Variants in PKHD1L1 observed in about 807,000 individuals in gnomAD.
PKHD1L1 encodes fibrocystin-L.
A neutral mutation model predicts 462.9 loss-of-function variants in PKHD1L1; 434 were observed. That is an observed-to-expected ratio of 0.94 (90% CI 0.87 to 1.02). PKHD1L1 has a LOEUF of 1.02. Ranked by LOEUF, PKHD1L1 falls within the 50% of genes least tolerant of loss-of-function variation. The probability of loss-of-function intolerance (pLI) is 0.00; values close to 1 mark genes in which losing one functional copy is unlikely to be tolerated. For missense variants in PKHD1L1, 5,202 were observed against 5,096.1 expected, an observed-to-expected ratio of 1.02 and a Z score of -0.63; for synonymous variants, 1,781 against 1,750.0, an observed-to-expected ratio of 1.02 and a Z score of -0.44.
intron 2 of PKHD1L1, among the ~76,000 whole-genome samples, chr8:109,373,310 C>T (rs574846914): frequency 1.3e-5 from 2 of 152,270 alleles, no homozygotes; most frequent in East Asian, 3.9e-4. Flanking sequence ...TTATAGTATT[C>T]TCTGATGGTA....
Position 109,419,119 on chromosome 8 carries a change from C to T in PKHD1L1, c.2383C>T (p.Leu795Phe). The T allele has an allele frequency of 6.2e-7, 1 of 1,613,226 alleles. No homozygotes were observed. Among genetic ancestry groups the T allele is most frequent in the East Asian group, 2.2e-5 (1 of 44,830 alleles). Residue 795 changes from leucine to phenylalanine, a missense_variant, in exon 22 of 78, where the codon CTT becomes TTT. Physicochemically the swap from Leu to Phe is conservative, Grantham distance 22. Around this residue, in one of 3 missense-constraint regions of PKHD1L1, gnomAD observed 4,497 missense variants for 4,336.8 expected, o/e 1.04. Transcript: ENST00000378402. The stretch of plus-strand genomic sequence containing the variant: ...CAGCTGGACTTACACTTGCATAGAC[C>T]TTCTGGATCTCGTAAGAACGAAATA... ...GNNWTYTCID[L>F]LDLVRTKYTG...
At chr8:109,425,286 C>A (rs2130666424) in intron 24 of PKHD1L1, 54 bp downstream of exon 24, 1 of 1,336,178 alleles carries the variant, frequency 7.5e-7, no homozygotes, top group Non-Finnish European at 9.8e-7. Context: ...TATGTATAAC[C>A]TTATAAAGTG....
intron 15 of PKHD1L1, 103 bp downstream of exon 15, chr8:109,404,816 G>A: frequency 8.1e-7 from 1 of 1,240,740 alleles, no homozygotes; most frequent in Non-Finnish European, 1.1e-6. Flanking sequence ...TTAGGTGAAA[G>A]CAGTCATGGA....
intron 30 of PKHD1L1, among the ~76,000 whole-genome samples, chr8:109,436,887 T>A (rs1815447380): frequency 6.6e-6 from 1 of 152,158 alleles, no homozygotes; most frequent in African/African-American, 2.4e-5. Flanking sequence ...TTCAGGAAAG[T>A]AAATCTAGAA....
At chr8:109,395,075 A>T (rs537486223) in intron 10 of PKHD1L1, among the ~76,000 whole-genome samples, 1 of 152,170 alleles carries the variant, frequency 6.6e-6, no homozygotes, top group Non-Finnish European at 1.5e-5. Flanking sequence ...GGGAGAGAGT[A>T]TTTACCGCAT....
At chr8:109,448,517 G>GT (rs375857031) in intron 39 of PKHD1L1, 126 bp downstream of exon 39, 105,039 of 882,590 alleles carry the variant, frequency 0.12, 41 homozygotes, top group East Asian at 0.24. Flanking sequence ...TGTTTGTTTG[G>GT]TTTTTTTTTT....
At chr8:109,454,386 A>G in intron 44 of PKHD1L1, 140 bp downstream of exon 44, 1 of 674,004 alleles carries the variant, frequency 1.5e-6, no homozygotes. Context: ...TTGGTATAAA[A>G]TCCTTTATGC....
intron 2 of PKHD1L1, among the ~76,000 whole-genome samples, chr8:109,369,694 T>C (rs951822891): frequency 1.3e-5 from 2 of 152,108 alleles, no homozygotes; most frequent in African/African-American, 4.8e-5. Flanking sequence ...CATTCTTTAG[T>C]TGGTTGCCAG....
In PKHD1L1 at chr8:109,507,968, C is replaced by T. The variant is rs115241381; in HGVS notation, c.11227+73C>T. ...ACAAAATATGTTTTATTTTTAATGA[C>T]TTGCCTACTCAACCAATAACTTTTA... is the stretch of plus-strand genomic sequence containing the variant. On this transcript the variant is annotated intron_variant, in intron 69 of 77. Transcript: ENST00000378402. 1,726 of 1,533,938 alleles carry T rather than the reference C, an allele frequency of 1.1e-3. 16 individuals are homozygous for T. The African/African-American group carries it at 0.021, about 19-fold the overall frequency.
chr8:109,453,353 C>T (rs1434301480), intron 43 of PKHD1L1, among the ~76,000 whole-genome samples: 1 of 152,184 alleles, frequency 6.6e-6, no homozygotes, highest in East Asian at 1.9e-4. Context: ...GTGATTTTCA[C>T]CTTTGCCTGT....
chr8:109,504,173 C>T (rs1417606696), intron 67 of PKHD1L1, among the ~76,000 whole-genome samples, 154 bp from the exon 68 acceptor site: 1 of 152,134 alleles, frequency 6.6e-6, no homozygotes, highest in East Asian at 1.9e-4. Flanking sequence ...AGGCAACAGG[C>T]TACAACAAAT....
chr8:109,475,364 G>A, intron 51 of PKHD1L1, 95 bp downstream of exon 51: 1 of 1,024,644 alleles, frequency 9.8e-7, no homozygotes, highest in Non-Finnish European at 1.3e-6. Context: ...AGGCCAGAGG[G>A]ACTTTCATCA....
At chr8:109,451,201 T>G in intron 41 of PKHD1L1, 52 bp downstream of exon 41, 1 of 1,508,480 alleles carries the variant, frequency 6.6e-7, no homozygotes, top group Non-Finnish European at 9.0e-7. Flanking sequence ...ACTTGAGCCA[T>G]TACTCCTGCT....
intron 50 of PKHD1L1, chr8:109,470,622 C>T (rs1563581175): frequency 2.6e-6 from 4 of 1,562,272 alleles, no homozygotes; most frequent in Non-Finnish European, 3.5e-6. Flanking sequence ...ACTTGAATAG[C>T]TCAGTGTCCC....
At chr8:109,427,254 T>C in intron 25 of PKHD1L1, 98 bp downstream of exon 25, 2 of 956,262 alleles carry the variant, frequency 2.1e-6, no homozygotes, top group Non-Finnish European at 3.1e-6. Context: ...ATGTTTATTA[T>C]AAAAATTCAA....
chr8:109,441,378 A>T lies in PKHD1L1; in HGVS notation c.4203A>T (p.Ser1401=). The change falls in exon 34 of 78, where the codon TCA becomes TCT. Residue 1401 remains serine (S), a splice_region_variant and synonymous_variant. Coordinates refer to ENST00000378402, the MANE Select transcript of PKHD1L1 (RefSeq NM_177531.6). The stretch of plus-strand genomic sequence containing the variant: ...GGATTACCAACAATGGGAAAGATTC[A>T]GGTATCAGCCATTTATATACTATGA... ...IFRITNNGKD[S]VHGLGYAWSP... The T allele has an allele frequency of 6.6e-7, 1 of 1,512,472 alleles. No individual in the cohort carries two copies. Among genetic ancestry groups the T allele is most frequent in the Admixed American group, 1.9e-5 (1 of 53,046 alleles). 93.7% of individuals were successfully genotyped at this position (1,512,472 alleles called of 1,614,324 possible). A position where few individuals can be genotyped will look rare whatever the true frequency, so the allele number is the denominator to read the frequency against.
chr8:109,443,972 T>A, intron 37 of PKHD1L1, 70 bp downstream of exon 37: 3 of 1,324,982 alleles, frequency 2.3e-6, no homozygotes, highest in South Asian at 2.7e-5. Context: ...ACGATAACCT[T>A]GTTATTTAAT....
intron 60 of PKHD1L1, 76 bp downstream of exon 60, chr8:109,490,131 G>T: frequency 1.1e-6 from 1 of 907,306 alleles, no homozygotes; most frequent in Non-Finnish European, 1.7e-6. Flanking sequence ...CTTCTAAATA[G>T]CCACATCTTA....
At position 109,430,479 on chromosome 8, in the gene PKHD1L1, C is replaced by T. The variant is rs551351838; in HGVS notation, c.3229+442C>T. Among the ~76,000 whole-genome samples, 144 of 152,170 alleles carry T rather than the reference C, an allele frequency of 9.5e-4. 1 individual carries two copies. The highest frequency in any genetic ancestry group is 3.1e-3 in the African/African-American group (130 of 41,516). On this transcript the variant is annotated intron_variant, in intron 27 of 77. Coordinates refer to ENST00000378402, the MANE Select transcript of PKHD1L1 (RefSeq NM_177531.6). ...CTGCTGTTTCATAAAAGAATATAAT[C>T]GTGTCCTAGATTTGAGAGTAAGAGA... is the stretch of plus-strand genomic sequence containing the variant.
Sources: allele counts gnomAD v4.1 joint callset (sites outside exome capture counted in the v4.1 genomes callset), GRCh38; gene constraint gnomAD v4.1.1; regional missense constraint gnomAD v4.1.1; transcripts MANE v1.5; gene names NCBI Gene and HGNC (gene_info 2026-07-23, HGNC 2026-07-21).